PLCL2: variants seen among roughly 807,000 people sequenced by gnomAD.
PLCL2 encodes the protein inactive phospholipase C-like protein 2.
A neutral mutation model predicts 79.6 loss-of-function variants in PLCL2; 4 were observed. The ratio of observed to expected loss-of-function variants is 0.05; its 90% CI spans 0.02 to 0.11. The LOEUF (loss-of-function observed/expected upper bound fraction) is 0.11, where lower values mean the gene tolerates loss of function less well. PLCL2 is among the 10% of genes least tolerant of loss of function. The pLI is 1.00. For synonymous variants in PLCL2, 484 were observed against 457.7 expected, an observed-to-expected ratio of 1.06 and a Z score of -0.73; for missense variants, 895 against 1,291.0, an observed-to-expected ratio of 0.69 and a Z score of 4.70.
At position 17,070,544 on chromosome 3, in the gene PLCL2, T is replaced by C. The variant is rs369592404; in HGVS notation, c.3204+2479T>C. Among the ~76,000 whole-genome samples the C allele has an allele frequency of 8.5e-5, 13 of 152,314 alleles. No individual in the cohort carries two copies. In the East Asian group the frequency reaches 1.5e-3, roughly 18 times the overall value. ...GATGGTGTTTAAGGATGGTAGAATGTAAGTGAGGCATGAGGAAGAATTGGA... is the reference window on the plus strand; with the variant it reads ...GATGGTGTTTAAGGATGGTAGAATGCAAGTGAGGCATGAGGAAGAATTGGA... On this transcript the variant is annotated intron_variant, in intron 5 of 5. Transcript: ENST00000615277.
intron 1 of PLCL2, among the ~76,000 whole-genome samples, chr3:17,002,192 A>G (rs1183226368): frequency 1.3e-5 from 2 of 152,118 alleles, no homozygotes; most frequent in Non-Finnish European, 2.9e-5. Context: ...TAATGATACT[A>G]TTAGTAAAGA....
chr3:17,084,852 G>A (rs1167096406), intron 5 of PLCL2, among the ~76,000 whole-genome samples: 1 of 152,250 alleles, frequency 6.6e-6, no homozygotes, highest in South Asian at 2.1e-4. Flanking sequence ...AAGCATTCCC[G>A]ATAAGATTAG....
chr3:16,949,963 A>G (rs1399842526), intron 1 of PLCL2, among the ~76,000 whole-genome samples: 2 of 152,170 alleles, frequency 1.3e-5, no homozygotes, highest in African/African-American at 4.8e-5. Context: ...CCTTGTATTC[A>G]TTGGACTGTC....
rs539328567 is a variant in PLCL2, at chr3:16,935,326, G to T, written c.327+49960G>T. On this transcript the variant is annotated intron_variant, in intron 1 of 5. Transcript: ENST00000615277. The stretch of plus-strand genomic sequence containing the variant: ...CCCTTTGTCTTTTCTATTTGTTGCA[G>T]GATTTCTCTCATTTATTTATGCTTT... 2.0e-5 allele frequency among the ~76,000 whole-genome samples: 3 copies of T among 151,992 alleles called. 1 individual carries two copies. In the South Asian group the frequency reaches 6.2e-4, roughly 32 times the overall value.
At chr3:16,975,275 C>T (rs1247106287) in intron 1 of PLCL2, among the ~76,000 whole-genome samples, 1 of 152,154 alleles carries the variant, frequency 6.6e-6, no homozygotes, top group East Asian at 1.9e-4. Flanking sequence ...GTGACCTTTC[C>T]AAGTAATAAG....
chr3:16,962,246 T>C (rs2063762047), intron 1 of PLCL2, among the ~76,000 whole-genome samples: 1 of 152,154 alleles, frequency 6.6e-6, no homozygotes, highest in African/African-American at 2.4e-5. Flanking sequence ...GGATGATCAG[T>C]TGATTTAGTA....
rs1175821048 is a variant in PLCL2 at position 16,887,459 on chromosome 3, T to G, written c.327+2093T>G. ...TTGTATTGTACCTCCAAAGAAGGCT[T>G]GACATACTCCTTTTTCTTGCCTCTG... On this transcript the variant is annotated intron_variant, in intron 1 of 5. Transcript: ENST00000615277. The surrounding 1 kb of genome is among the most constrained non-coding windows in gnomAD (Gnocchi z 4.1). Among the ~76,000 whole-genome samples, 2 of 152,246 alleles carry G rather than the reference T, an allele frequency of 1.3e-5. No homozygotes were observed. The highest frequency in any genetic ancestry group is 1.3e-4 in the Admixed American group (2 of 15,286).
chr3:17,085,823 C>A (rs551034904), intron 5 of PLCL2, among the ~76,000 whole-genome samples: 1 of 152,066 alleles, frequency 6.6e-6, no homozygotes, highest in African/African-American at 2.4e-5. Flanking sequence ...TACATTAGAA[C>A]CCCCAGAAAT....
chr3:17,015,975 G>T (rs1382287327), intron 3 of PLCL2, among the ~76,000 whole-genome samples: 1 of 152,170 alleles, frequency 6.6e-6, no homozygotes, highest in Non-Finnish European at 1.5e-5. Flanking sequence ...TAGGGGAAGG[G>T]TTTCATAGGA....
intron 1 of PLCL2, among the ~76,000 whole-genome samples, chr3:16,955,586 G>A (rs1273780123): frequency 6.6e-6 from 1 of 152,120 alleles, no homozygotes; most frequent in African/African-American, 2.4e-5. Flanking sequence ...TAGCTTGATG[G>A]GGATGGCATT....
At chr3:16,936,094 T>C (rs2124946503) in intron 1 of PLCL2, among the ~76,000 whole-genome samples, 1 of 152,346 alleles carries the variant, frequency 6.6e-6, no homozygotes, top group East Asian at 1.9e-4. Flanking sequence ...TCAAAGGTTG[T>C]AGAGCCTTGA....
At chr3:16,909,608 G>C (rs879923983) in intron 1 of PLCL2, among the ~76,000 whole-genome samples, 8 of 152,120 alleles carry the variant, frequency 5.3e-5, no homozygotes, top group Admixed American at 5.2e-4. Flanking sequence ...ATGTGTCCTG[G>C]GATTGAAATT....
intron 5 of PLCL2, among the ~76,000 whole-genome samples, chr3:17,074,892 A>G (rs9637429): frequency 0.57 from 86,502 of 152,142 alleles, 25,367 homozygotes; most frequent in African/African-American, 0.71. Flanking sequence ...TTAAGAGAAC[A>G]TTGTGGCTGG....
Position 17,011,471 on chromosome 3 carries a change from C to G in PLCL2, c.2125C>G (p.Leu709Val). ...IVAMNFQTPG[L>V]MMDLNIGWFR... The stretch of plus-strand genomic sequence containing the variant: ...AGCCATGAACTTTCAGACACCAGGA[C>G]TGATGATGGACCTGAATATTGGCTG... The change falls in exon 2 of 6, where the codon CTG becomes GTG. Residue 709 changes from leucine (L) to valine (V), a missense_variant. Transcript: ENST00000615277. This position sits in a 1 kb window ranked among gnomAD's most constrained non-coding sequence, Gnocchi z 7.9. The G allele has an allele frequency of 6.2e-7, 1 of 1,614,136 alleles. No individual in the cohort carries two copies. The highest frequency in any genetic ancestry group is 8.5e-7 in the Non-Finnish European group (1 of 1,180,020).
At chr3:16,894,833 T>C (rs2124916517) in intron 1 of PLCL2, among the ~76,000 whole-genome samples, 1 of 152,268 alleles carries the variant, frequency 6.6e-6, no homozygotes, top group African/African-American at 2.4e-5. Flanking sequence ...ATGTAGGACT[T>C]AATTTACATT....
intron 1 of PLCL2, among the ~76,000 whole-genome samples, chr3:16,946,453 A>G (rs1420483399): frequency 6.6e-6 from 1 of 152,128 alleles, no homozygotes; most frequent in African/African-American, 2.4e-5. Flanking sequence ...TTTAACTACT[A>G]GTATTTCAAC....
intron 3 of PLCL2, 187 bp from the exon 4 acceptor site, chr3:17,042,687 C>A: frequency 1.8e-6 from 1 of 543,130 alleles, no homozygotes. Context: ...CTTGTTTTAA[C>A]CATTATGTGG....
chr3:16,930,207 A>G (rs1169168895), intron 1 of PLCL2, among the ~76,000 whole-genome samples: 2 of 152,134 alleles, frequency 1.3e-5, no homozygotes, highest in African/African-American at 4.8e-5. Context: ...TTATTTCTCC[A>G]TTTAACTTGA....
intron 1 of PLCL2, among the ~76,000 whole-genome samples, chr3:16,997,799 A>G (rs1398920389): frequency 6.6e-6 from 1 of 152,084 alleles, no homozygotes; most frequent in Non-Finnish European, 1.5e-5. Context: ...CGGCCTCCCA[A>G]AGTGCTGGGA....
Sources: allele counts gnomAD v4.1 joint callset (sites outside exome capture counted in the v4.1 genomes callset), GRCh38; gene constraint gnomAD v4.1.1; non-coding constraint Gnocchi (gnomAD v3.1); transcripts MANE v1.5; gene names NCBI Gene and HGNC (gene_info 2026-07-23, HGNC 2026-07-21).